The following ENTR1 variants were observed in gnomAD, a reference collection of about 807,000 sequenced individuals.
The protein encoded by ENTR1 is endosome associated trafficking regulator 1.
Under a neutral mutation model 47.9 loss-of-function variants are expected in ENTR1, and 47 were observed. That is an observed-to-expected ratio of 0.98 (90% CI 0.78 to 1.25). The LOEUF (loss-of-function observed/expected upper bound fraction) is 1.25, where lower values mean the gene tolerates loss of function less well. Among genes scored for constraint, ENTR1 ranks in the 50% most tolerant of loss-of-function variants. ENTR1 has a pLI of 0.00. For missense variants in ENTR1, 668 were observed against 570.5 expected, an observed-to-expected ratio of 1.17 and a Z score of -1.74; for synonymous variants, 290 against 245.8, an observed-to-expected ratio of 1.18 and a Z score of -1.68.
Position 136,409,075 on chromosome 9 carries a change from G to A in ENTR1, c.221-8C>T. ...CCTTTCCATAGCCAAAATCTGCAAA[G>A]AAACAATGTCACCCACCATGCTGGC... On this transcript the variant is annotated splice_region_variant and splice_polypyrimidine_tract_variant and intron_variant, in intron 2 of 9. Transcript: ENST00000357365. 1 of 1,613,572 alleles carries A rather than the reference G, an allele frequency of 6.2e-7. No homozygotes were observed. The highest frequency in any genetic ancestry group is 8.5e-7 in the Non-Finnish European group (1 of 1,179,728).
rs1191414179 is a variant in ENTR1, at chr9:136,406,628, C to T, written c.819+517G>A. Among the ~76,000 whole-genome samples, 3 of 151,990 alleles carry T rather than the reference C, an allele frequency of 2.0e-5. No homozygotes were observed. In the East Asian group the frequency reaches 5.9e-4, roughly 30 times the overall value. On this transcript the variant is annotated intron_variant, in intron 5 of 9. Transcript: ENST00000357365. ...AGTAGCTGGGACTACAGGCGCCTGC[C>T]GCCACGCCCAGCTAATTTTTGTATT...
chr9:136,410,208 G>T lies in ENTR1; in HGVS notation c.102C>A (p.Leu34=), dbSNP rs559523064. The change falls in exon 2 of 10, where the codon CTC becomes CTA. Residue 34 remains leucine, a synonymous_variant. Coordinates refer to ENST00000357365, the MANE Select transcript of ENTR1 (RefSeq NM_001039707.2). ...GGGGGCGCTCACAATTTAGCTGGGGGAGACAAGACCGGCGCTCATAGAACG... is the reference window on the plus strand; with the variant it reads ...GGGGGCGCTCACAATTTAGCTGGGGTAGACAAGACCGGCGCTCATAGAACG... ...APAFYERRSC[L]PQLNCERPHG... is the part of the protein sequence containing the mutation. The T allele has an allele frequency of 6.3e-7, 1 of 1,597,564 alleles. No homozygotes were observed. Among genetic ancestry groups the T allele is most frequent in the South Asian group, 1.1e-5 (1 of 88,994 alleles).
rs1203485695 is a variant in ENTR1, at chr9:136,402,830, T to C, written c.1266A>G (p.Ile422Met). 1.2e-6 allele frequency: 2 copies of C among 1,613,182 alleles called. No individual in the cohort carries two copies. Among genetic ancestry groups the C allele is most frequent in the Admixed American group, 1.7e-5 (1 of 59,970 alleles). ...CGTCTTTAACTTCAGAAATTCTGTC[T>C]ATAGATTTAAGGATTTCGGCAACAA... ...LNLVAEILKS[I>M]DRISEVKDEE... The change falls in exon 10 of 10, where the codon ATA becomes ATG. Residue 422 changes from isoleucine (I) to methionine (M), a missense_variant. By Grantham distance (10) the Ile-to-Met change is conservative. Coordinates refer to ENST00000357365, the MANE Select transcript of ENTR1 (RefSeq NM_001039707.2).
At chr9:136,408,892 G>C in intron 3 of ENTR1, 107 bp downstream of exon 3, 1 of 576,212 alleles carries the variant, frequency 1.7e-6, no homozygotes, top group Non-Finnish European at 3.3e-6. Context: ...CTGCTCTTTT[G>C]GGCTCCAGCT....
Position 136,404,138 on chromosome 9 carries a change from G to A in ENTR1, c.1125C>T (p.Ala375=), listed in dbSNP as rs199646350. The A allele has an allele frequency of 2.0e-5, 32 of 1,613,356 alleles. No homozygotes were observed. In the African/African-American group the frequency reaches 2.8e-4, roughly 14 times the overall value. The change falls in exon 9 of 10, where the codon GCC becomes GCT. Residue 375 remains alanine, a synonymous_variant. Transcript: ENST00000357365. The stretch of plus-strand genomic sequence containing the variant: ...CGTTCTGCTTCACCACGGTCAGGCT[G>A]GCACCCTGGCCGCACCGCAGGGCTT... ...ENEALRCGQG[A]SLTVVKQNAD...
intron 6 of ENTR1, among the ~76,000 whole-genome samples, 174 bp downstream of exon 6, chr9:136,405,731 G>A (rs573621938): frequency 6.6e-6 from 1 of 152,348 alleles, no homozygotes; most frequent in South Asian, 2.1e-4. Context: ...GACACGGCAA[G>A]ACTGTCTCAA....
intron 7 of ENTR1, 142 bp downstream of exon 7, chr9:136,404,949 C>G (rs1031964718): frequency 2.8e-6 from 2 of 718,378 alleles, no homozygotes; most frequent in African/African-American, 3.5e-5. Context: ...AGCGAGACAG[C>G]GACGTCAAAG....
At chr9:136,406,010 C>A in intron 5 of ENTR1, 32 bp from the exon 6 acceptor site, 1 of 1,550,890 alleles carries the variant, frequency 6.4e-7, no homozygotes, top group South Asian at 1.2e-5. Context: ...ATTAGAAAGT[C>A]AGCATGTCTG....
chr9:136,405,416 G>A, intron 6 of ENTR1: 6 of 537,022 alleles, frequency 1.1e-5, no homozygotes, highest in Middle Eastern at 3.1e-4. Flanking sequence ...CTCCAACAAG[G>A]TGTTTGGTGG....
intron 3 of ENTR1, 72 bp from the exon 4 acceptor site, chr9:136,408,010 G>C: frequency 4.0e-6 from 4 of 990,696 alleles, no homozygotes; most frequent in Non-Finnish European, 1.6e-6. Flanking sequence ...CTGTTCACCT[G>C]TCTTTCCAGA....
At chr9:136,409,495 T>A (rs1453726852) in intron 2 of ENTR1, among the ~76,000 whole-genome samples, 5 of 151,844 alleles carry the variant, frequency 3.3e-5, no homozygotes, top group East Asian at 1.9e-4. Flanking sequence ...GAGAAAACTT[T>A]AAAAAAAACA....
intron 5 of ENTR1, among the ~76,000 whole-genome samples, chr9:136,406,297 C>T (rs1463830453): frequency 1.3e-5 from 2 of 151,826 alleles, no homozygotes; most frequent in African/African-American, 2.4e-5. Context: ...GTGAAACCCC[C>T]GTCTCTACTA....
In ENTR1 at chr9:136,405,905, A is replaced by C; in HGVS notation, c.893T>G (p.Met298Arg). 3 of 1,584,822 alleles carry C rather than the reference A, an allele frequency of 1.9e-6. No individual in the cohort carries two copies. Among genetic ancestry groups the C allele is most frequent in the Non-Finnish European group, 2.6e-6 (3 of 1,164,628 alleles). Residue 298 changes from methionine to arginine, a missense_variant and splice_region_variant, in exon 6 of 10, where the codon ATG becomes AGG. Physicochemically the swap from Met to Arg is moderately conservative, Grantham distance 91. Transcript: ENST00000357365. ...CATTCCTAACTAAAAGCTTACATAC[A>C]TTTCTGTTTGAGCTTCAGAGAAGCT... ...VQSFSEAQTE[M>R]VRTLERKLEA...
intron 3 of ENTR1, 113 bp downstream of exon 3, chr9:136,408,886 T>G: frequency 6.1e-6 from 4 of 657,316 alleles, no homozygotes; most frequent in Non-Finnish European, 1.1e-5. Flanking sequence ...CCCCACCTGC[T>G]CTTTTGGGCT....
intron 6 of ENTR1, among the ~76,000 whole-genome samples, chr9:136,405,652 G>A (rs1255935390): frequency 1.3e-5 from 2 of 152,236 alleles, no homozygotes; most frequent in African/African-American, 4.8e-5. Context: ...TGAGATGGGA[G>A]GATTGCTGGA....
chr9:136,405,317 C>T (rs1834714413), intron 6 of ENTR1, 115 bp from the exon 7 acceptor site: 1 of 811,888 alleles, frequency 1.2e-6, no homozygotes, highest in Admixed American at 2.1e-5. Context: ...GAATGGGTCT[C>T]AGGCACAGAG....
chr9:136,402,779 C>T lies in ENTR1; in HGVS notation c.*9G>A. The T allele has an allele frequency of 6.3e-7, 1 of 1,596,414 alleles. No homozygotes were observed. Among genetic ancestry groups the T allele is most frequent in the Non-Finnish European group, 8.6e-7 (1 of 1,165,154 alleles). ...CACGGAGCTTCATGCTGAGAACACC[C>T]AGGGGTCCTCAAGAGTCTTCCTCCT... On this transcript the variant is annotated 3_prime_UTR_variant, in exon 10 of 10. Coordinates refer to ENST00000357365, the MANE Select transcript of ENTR1 (RefSeq NM_001039707.2).
intron 5 of ENTR1, among the ~76,000 whole-genome samples, chr9:136,406,438 C>T (rs1261667950): frequency 6.6e-6 from 1 of 151,948 alleles, no homozygotes. Flanking sequence ...CACTCCACTC[C>T]AGCATGAGCA....
rs1834859578 is a variant in ENTR1, at chr9:136,407,904, T to C, written c.324A>G (p.Pro108=). The change falls in exon 4 of 10, where the codon CCA becomes CCG. Residue 108 remains proline (P), a synonymous_variant. Coordinates refer to ENST00000357365, the MANE Select transcript of ENTR1 (RefSeq NM_001039707.2). ...DRFEDLEEAN[P]FSFREFLKTK... is the part of the protein sequence containing the mutation. ...TCTTCAGAAACTCTCTAAAAGAGAATGGATTTGCCTCTTCCAGATCTTCAA... is the reference window on the plus strand; with the variant it reads ...TCTTCAGAAACTCTCTAAAAGAGAACGGATTTGCCTCTTCCAGATCTTCAA... 1.9e-6 allele frequency: 3 copies of C among 1,612,256 alleles called. No individual in the cohort carries two copies. Among genetic ancestry groups the C allele is most frequent in the Non-Finnish European group, 2.5e-6 (3 of 1,178,364 alleles).
Sources: gnomAD v4.1 joint callset for allele counts (sites outside exome capture counted in the v4.1 genomes callset) on GRCh38, gnomAD v4.1.1 for gene constraint, MANE v1.5 for transcripts, NCBI Gene and HGNC (gene_info 2026-07-23, HGNC 2026-07-21) for gene names.